The following SDCCAG8 variants were observed in gnomAD, a reference collection of about 807,000 sequenced individuals.
SDCCAG8 encodes SHH signaling and ciliogenesis regulator SDCCAG8.
A neutral mutation model predicts 101.8 loss-of-function variants in SDCCAG8; 74 were observed. The observed-to-expected ratio is 0.73, with a 90% CI of 0.60 to 0.88. The LOEUF is 0.88. SDCCAG8 is among the 40% of genes least tolerant of loss of function. The pLI is 0.00. For synonymous variants in SDCCAG8, 281 were observed against 292.9 expected, an observed-to-expected ratio of 0.96 and a Z score of 0.41; for missense variants, 787 against 822.6, an observed-to-expected ratio of 0.96 and a Z score of 0.53.
chr1:243,298,735 G>A (rs1453575080), intron 6 of SDCCAG8, among the ~76,000 whole-genome samples: 1 of 152,138 alleles, frequency 6.6e-6, no homozygotes, highest in Non-Finnish European at 1.5e-5. Flanking sequence ...TCTTGGAAAG[G>A]TAGTCCTTTG....
Position 243,500,019 on chromosome 1 carries a change from G to A in SDCCAG8, c.*234G>A. The A allele has an allele frequency of 1.7e-6, 1 of 582,032 alleles. No individual in the cohort carries two copies. The highest frequency in any genetic ancestry group is 3.1e-6 in the Non-Finnish European group (1 of 326,390). 36.1% of individuals were successfully genotyped at this position (582,032 alleles called of 1,614,324 possible). ...TGTATGTTTTCAGAAATGGCTTGAAGTTATGTGTTTAAATCTGCTCATTCG... is the reference window on the plus strand; with the variant it reads ...TGTATGTTTTCAGAAATGGCTTGAAATTATGTGTTTAAATCTGCTCATTCG... On this transcript the variant is annotated 3_prime_UTR_variant, in exon 18 of 18. Coordinates refer to ENST00000366541, the MANE Select transcript of SDCCAG8 (RefSeq NM_006642.5).
chr1:243,271,003 C>T lies in SDCCAG8; in HGVS notation c.246C>T (p.Arg82=). 1 of 1,613,320 alleles carries T rather than the reference C, an allele frequency of 6.2e-7. No individual in the cohort carries two copies. ...TTAATCAGCTCAAAGATTTGTTGCGCCAACAAGCAGATAAGGAAAGTGAAG... is the reference window on the plus strand; with the variant it reads ...TTAATCAGCTCAAAGATTTGTTGCGTCAACAAGCAGATAAGGAAAGTGAAG... The part of the protein sequence containing the change: ...HAVNQLKDLL[R]QQADKESEVS... The change falls in exon 3 of 18, where the codon CGC becomes CGT. Residue 82 remains arginine, a synonymous_variant. Transcript: ENST00000366541.
intron 8 of SDCCAG8, among the ~76,000 whole-genome samples, chr1:243,312,751 G>A (rs79257440): frequency 6.6e-6 from 1 of 151,642 alleles, no homozygotes; most frequent in Non-Finnish European, 1.5e-5. Context: ...TTGACAAGGA[G>A]GGGATCAGGC....
At chr1:243,289,034 C>T (rs1572991441) in intron 5 of SDCCAG8, among the ~76,000 whole-genome samples, 1 of 150,108 alleles carries the variant, frequency 6.7e-6, no homozygotes, top group Non-Finnish European at 1.5e-5. Flanking sequence ...ATAATTGAAA[C>T]ATTTATATGG....
At chr1:243,309,793 C>A (rs2072532570) in intron 8 of SDCCAG8, among the ~76,000 whole-genome samples, 1 of 152,192 alleles carries the variant, frequency 6.6e-6, no homozygotes, top group Non-Finnish European at 1.5e-5. Flanking sequence ...CCACACCTGA[C>A]CTAACCTACT....
chr1:243,400,331 C>T (rs1573823421), intron 13 of SDCCAG8, among the ~76,000 whole-genome samples: 1 of 152,184 alleles, frequency 6.6e-6, no homozygotes. Flanking sequence ...TGGGGAAAAA[C>T]TGAACTAAAC....
intron 11 of SDCCAG8, among the ~76,000 whole-genome samples, chr1:243,342,758 T>C (rs760777296): frequency 2.0e-5 from 3 of 152,134 alleles, no homozygotes; most frequent in Non-Finnish European, 4.4e-5. Context: ...TTTATAAATT[T>C]ATAATTTTTG....
intron 12 of SDCCAG8, among the ~76,000 whole-genome samples, chr1:243,345,468 G>T (rs2075647278): frequency 6.6e-6 from 1 of 152,122 alleles, no homozygotes; most frequent in African/African-American, 2.4e-5. Flanking sequence ...CATCCAGTTG[G>T]GGGCGTGCCT....
At chr1:243,385,272 C>G (rs2078207255) in intron 13 of SDCCAG8, among the ~76,000 whole-genome samples, 1 of 151,996 alleles carries the variant, frequency 6.6e-6, no homozygotes, top group Non-Finnish European at 1.5e-5. Context: ...CGCCTATAGT[C>G]CCAGCTGCTC....
At chr1:243,433,021 C>G (rs1187310773) in intron 16 of SDCCAG8, among the ~76,000 whole-genome samples, 2 of 152,046 alleles carry the variant, frequency 1.3e-5, no homozygotes, top group East Asian at 3.9e-4. Context: ...GGTTGGGATA[C>G]CAAGCACTGA....
intron 13 of SDCCAG8, among the ~76,000 whole-genome samples, chr1:243,379,690 G>T (rs1330155982): frequency 6.6e-6 from 1 of 152,108 alleles, no homozygotes; most frequent in African/African-American, 2.4e-5. Flanking sequence ...AGCCTTTGGG[G>T]TTGCTCAGTT....
chr1:243,260,767 A>C (rs983882598), intron 1 of SDCCAG8, among the ~76,000 whole-genome samples: 3 of 152,186 alleles, frequency 2.0e-5, no homozygotes, highest in Non-Finnish European at 4.4e-5. Context: ...ACAGGAACTC[A>C]TGATTTTCTA....
At chr1:243,408,921 G>C (rs2079973290) in intron 13 of SDCCAG8, among the ~76,000 whole-genome samples, 1 of 152,086 alleles carries the variant, frequency 6.6e-6, no homozygotes, top group African/African-American at 2.4e-5. Flanking sequence ...TTTTTGTTCT[G>C]CTTGAATGAA....
intron 16 of SDCCAG8, among the ~76,000 whole-genome samples, chr1:243,459,488 G>A (rs954009707): frequency 6.6e-6 from 1 of 151,364 alleles, no homozygotes; most frequent in African/African-American, 2.4e-5. Flanking sequence ...AAGAACGGAG[G>A]TGTATTACAG....
intron 13 of SDCCAG8, among the ~76,000 whole-genome samples, chr1:243,397,990 A>G (rs2079131473): frequency 6.6e-6 from 1 of 152,242 alleles, no homozygotes; most frequent in Non-Finnish European, 1.5e-5. Context: ...TGAAAATTTT[A>G]CTACATTACA....
intron 5 of SDCCAG8, among the ~76,000 whole-genome samples, chr1:243,290,817 T>C (rs1466204393): frequency 2.0e-5 from 3 of 152,200 alleles, no homozygotes; most frequent in African/African-American, 4.8e-5. Context: ...GCCCTTAGTA[T>C]CCCTCCTGTG....
chr1:243,332,803 G>A (rs183019065), intron 10 of SDCCAG8, among the ~76,000 whole-genome samples: 2 of 125,428 alleles, frequency 1.6e-5, no homozygotes, highest in Admixed American at 8.1e-5. Flanking sequence ...TCTGGAGGTG[G>A]TTATCGTAGT....
intron 17 of SDCCAG8, among the ~76,000 whole-genome samples, chr1:243,492,908 G>T (rs764149617): frequency 2.0e-5 from 3 of 151,960 alleles, no homozygotes; most frequent in Non-Finnish European, 4.4e-5. Flanking sequence ...CCGGCCTCTT[G>T]GCTTGTTCTT....
At chr1:243,318,256 G>A (rs557344375) in intron 9 of SDCCAG8, among the ~76,000 whole-genome samples, 2 of 152,308 alleles carry the variant, frequency 1.3e-5, no homozygotes, top group African/African-American at 4.8e-5. Flanking sequence ...CGCAGGAACA[G>A]AAAGCCAAAT....
Sources: allele counts gnomAD v4.1 joint callset (sites outside exome capture counted in the v4.1 genomes callset), GRCh38; gene constraint gnomAD v4.1.1; transcripts MANE v1.5; gene names NCBI Gene and HGNC (gene_info 2026-07-23, HGNC 2026-07-21).